Variants in LEO1 observed in about 807,000 individuals in gnomAD.
The protein encoded by LEO1 is RNA polymerase-associated protein LEO1.
LEO1 carries 34 observed loss-of-function variants against 80.4 expected under a neutral mutation model. The ratio of observed to expected loss-of-function variants is 0.42; its 90% CI spans 0.32 to 0.56. The LOEUF is 0.56. LEO1 is among the 20% of genes least tolerant of loss of function. The pLI is 0.10. For synonymous variants in LEO1, 262 were observed against 274.9 expected (o/e 0.95, Z 0.46); for missense variants, 631 against 814.2 (o/e 0.77, Z 2.74).
At chr15:51,940,030 CA>C (rs2056835275) in intron 11 of LEO1, among the ~76,000 whole-genome samples, 1 of 152,028 alleles carries the variant, frequency 6.6e-6, no homozygotes, top group African/African-American at 2.4e-5. Flanking sequence ...CCAAGGCGGG[CA>C]GATCACGAGG....
intron 1 of LEO1, among the ~76,000 whole-genome samples, chr15:51,968,308 C>T (rs2057094499): frequency 6.6e-6 from 1 of 151,840 alleles, no homozygotes; most frequent in Non-Finnish European, 1.5e-5. Context: ...TCTAGGAGCC[C>T]AAGGTGGGAA....
intron 10 of LEO1, among the ~76,000 whole-genome samples, chr15:51,948,488 T>A (rs2056920758): frequency 6.6e-6 from 1 of 152,202 alleles, no homozygotes. Context: ...GTAGGTAATA[T>A]GTAACAGGTC....
In LEO1 at chr15:51,949,881, G is replaced by T; in HGVS notation, c.1725C>A (p.Tyr575Ter). The change falls in exon 10 of 12, where the codon TAC (tyrosine) becomes TAA (stop). Residue 575 changes from tyrosine (Y) to a stop codon, truncating the protein, a stop_gained. Coordinates refer to ENST00000299601, the MANE Select transcript of LEO1 (RefSeq NM_138792.4). LOFTEE classifies it high-confidence loss of function. ...LSASYLEPDR[Y>*]DEEEEGEESI... ...ACTCCTCGCCTTCCTCCTCCTCATCGTATCGATCAGGTTCCAGGTAACTGG... is the reference window on the plus strand; with the variant it reads ...ACTCCTCGCCTTCCTCCTCCTCATCTTATCGATCAGGTTCCAGGTAACTGG... 1 of 1,613,884 alleles carries T rather than the reference G, an allele frequency of 6.2e-7. No homozygotes were observed. Among genetic ancestry groups the T allele is most frequent in the Non-Finnish European group, 8.5e-7 (1 of 1,179,966 alleles).
chr15:51,969,410 A>G (rs1159527402), intron 1 of LEO1, among the ~76,000 whole-genome samples: 6 of 150,800 alleles, frequency 4.0e-5, no homozygotes, highest in Non-Finnish European at 5.9e-5. Context: ...CGAGGCAGGC[A>G]GATCACCTGA....
At chr15:51,951,709 G>A in intron 9 of LEO1, 135 bp downstream of exon 9, 1 of 712,270 alleles carries the variant, frequency 1.4e-6, no homozygotes, top group Middle Eastern at 2.6e-4. Context: ...CTGAGGAAAT[G>A]AATCCAGCTC....
At chr15:51,943,418 T>A (rs2056872566) in intron 11 of LEO1, among the ~76,000 whole-genome samples, 1 of 147,768 alleles carries the variant, frequency 6.8e-6, no homozygotes, top group East Asian at 2.1e-4. Flanking sequence ...AATTTAAAAA[T>A]AGGCTAGGCA....
At chr15:51,947,222 G>A (rs1188986287) in intron 11 of LEO1, 70 bp downstream of exon 11, 4 of 965,102 alleles carry the variant, frequency 4.1e-6, no homozygotes, top group Non-Finnish European at 1.7e-6. Flanking sequence ...TGATCTGTGA[G>A]CTCTTCATTC....
chr15:51,958,357 A>C (rs952068545), intron 6 of LEO1, among the ~76,000 whole-genome samples: 4 of 151,942 alleles, frequency 2.6e-5, no homozygotes, highest in Admixed American at 1.3e-4. Flanking sequence ...CAGGAGGCTG[A>C]GATGGGAAGA....
chr15:51,964,453 G>T (rs1566887412), intron 2 of LEO1, among the ~76,000 whole-genome samples: 1 of 151,754 alleles, frequency 6.6e-6, no homozygotes, highest in Non-Finnish European at 1.5e-5. Context: ...TAATGTAAAT[G>T]ACGAGTTGAT....
At chr15:51,940,451 C>T (rs1337094886) in intron 11 of LEO1, among the ~76,000 whole-genome samples, 1 of 151,318 alleles carries the variant, frequency 6.6e-6, no homozygotes, top group Non-Finnish European at 1.5e-5. Flanking sequence ...ATCCCAGCTA[C>T]TTGGGAGGCT....
chr15:51,949,273 G>C (rs1393624178), intron 10 of LEO1, among the ~76,000 whole-genome samples: 2 of 152,302 alleles, frequency 1.3e-5, no homozygotes, highest in South Asian at 4.1e-4. Flanking sequence ...AAAAGTTCCA[G>C]TATAACTGGC....
At chr15:51,953,362 T>G in intron 7 of LEO1, 99 bp from the exon 8 acceptor site, 1 of 1,275,880 alleles carries the variant, frequency 7.8e-7, no homozygotes, top group Non-Finnish European at 1.1e-6. Flanking sequence ...GTGGCCCACA[T>G]GTGTAATCCC....
At chr15:51,962,662 A>G (rs1346923813) in intron 2 of LEO1, among the ~76,000 whole-genome samples, 169 bp from the exon 3 acceptor site, 1 of 152,264 alleles carries the variant, frequency 6.6e-6, no homozygotes, top group Non-Finnish European at 1.5e-5. Flanking sequence ...CAAAAATGCT[A>G]TATGCCAAGT....
rs189127311 is a variant in LEO1, at chr15:51,967,072, A to G, written c.59-568T>C. Among the ~76,000 whole-genome samples, 208 of 152,320 alleles carry G rather than the reference A, an allele frequency of 1.4e-3. 8 individuals are homozygous for G. The highest frequency in any genetic ancestry group is 9.6e-3 in the East Asian group (50 of 5,192). The stretch of plus-strand genomic sequence containing the variant: ...CTGAGAAACAGAAAGAAAAAAGAAT[A>G]AAGAGAAAGGAACGGAGTCTAGAAG... On this transcript the variant is annotated intron_variant, in intron 1 of 11. Transcript: ENST00000299601.
At chr15:51,948,060 A>G (rs1421509194) in intron 10 of LEO1, among the ~76,000 whole-genome samples, 3 of 152,198 alleles carry the variant, frequency 2.0e-5, no homozygotes, top group Non-Finnish European at 4.4e-5. Flanking sequence ...AAAGCAAGAA[A>G]GTGGTTTCCT....
chr15:51,968,786 G>A lies in LEO1; in HGVS notation c.59-2282C>T, dbSNP rs140092509. ...GGAGGTTGCTGTAAGCCGAGATTGC[G>A]CCACTGCACTCCAGCCTGGGCGACA... On this transcript the variant is annotated intron_variant, in intron 1 of 11. Coordinates refer to ENST00000299601, the MANE Select transcript of LEO1 (RefSeq NM_138792.4). Among the ~76,000 whole-genome samples, 273 of 151,382 alleles carry A rather than the reference G, an allele frequency of 1.8e-3. 7 individuals carry two copies. In the East Asian group the frequency reaches 0.046, roughly 26 times the overall value.
intron 11 of LEO1, among the ~76,000 whole-genome samples, chr15:51,942,481 C>T (rs1027133449): frequency 6.6e-6 from 1 of 152,116 alleles, no homozygotes; most frequent in African/African-American, 2.4e-5. Flanking sequence ...CATGACACTT[C>T]TCAATTTTCA....
intron 11 of LEO1, among the ~76,000 whole-genome samples, chr15:51,943,529 G>A (rs2056873475): frequency 2.0e-5 from 3 of 149,636 alleles, no homozygotes; most frequent in Admixed American, 6.7e-5. Flanking sequence ...GTGAAACCCC[G>A]TCTCTACTAA....
At chr15:51,968,190 TA>T (rs1345610528) in intron 1 of LEO1, among the ~76,000 whole-genome samples, 3 of 151,562 alleles carry the variant, frequency 2.0e-5, no homozygotes, top group Non-Finnish European at 4.4e-5. Context: ...CTCAAATAAA[TA>T]AATAAATACA....
Sources: allele counts gnomAD v4.1 joint callset (sites outside exome capture counted in the v4.1 genomes callset), GRCh38; gene constraint gnomAD v4.1.1; transcripts MANE v1.5; gene names NCBI Gene and HGNC (gene_info 2026-07-23, HGNC 2026-07-21).